The following RTN4RL1 variants were observed in gnomAD, a reference collection of about 807,000 sequenced individuals.
RTN4RL1 encodes the protein reticulon-4 receptor-like 1.
Under a neutral mutation model 25.6 loss-of-function variants are expected in RTN4RL1, and 7 were observed. That is an observed-to-expected ratio of 0.27 (90% CI 0.16 to 0.51). RTN4RL1 has a LOEUF of 0.51. Ranked by LOEUF, RTN4RL1 falls within the 20% of genes least tolerant of loss-of-function variation. The pLI is 0.97. For missense variants in RTN4RL1, 500 were observed against 615.6 expected (o/e 0.81, Z 1.99); for synonymous variants, 297 against 288.2 (o/e 1.03, Z -0.31).
At position 1,957,102 on chromosome 17, in the gene RTN4RL1, TTAAAAC is replaced by T. The variant is rs202176780; in HGVS notation, c.14-19300_14-19295del. On this transcript the variant is annotated intron_variant, in intron 1 of 1. Coordinates refer to ENST00000331238, the MANE Select transcript of RTN4RL1 (RefSeq NM_178568.4). ...TGATTCTTTTCAAGAGTCAGTTAAA[TTAAAAC>T]TAAATAACGTTGGAATGAACATCTT... 9.9e-3 allele frequency among the ~76,000 whole-genome samples: 1,505 copies of T among 152,310 alleles called. 25 individuals carry two copies. Among genetic ancestry groups the T allele is most frequent in the African/African-American group, 0.034 (1,428 of 41,552 alleles).
intron 1 of RTN4RL1, among the ~76,000 whole-genome samples, chr17:2,014,174 G>A (rs111422152): frequency 2.6e-4 from 40 of 152,326 alleles, no homozygotes; most frequent in African/African-American, 9.4e-4. Context: ...GCTGGAAGTG[G>A]GAGGGTGTGG....
chr17:1,937,189 C>G lies in RTN4RL1; in HGVS notation c.633G>C (p.Trp211Cys). The G allele has an allele frequency of 1.9e-6, 3 of 1,612,412 alleles. No individual in the cohort carries two copies. Among genetic ancestry groups the G allele is most frequent in the Non-Finnish European group, 2.5e-6 (3 of 1,179,680 alleles). The stretch of plus-strand genomic sequence containing the variant: ...GGTCGTGGAACGCCTTGTGGTGGAC[C>G]CACTGCAGCTGGTTCTCGTGCAGCA... ...RLLLHENQLQWVHHKAFHDLR... is the reference protein window; with the variant it reads ...RLLLHENQLQCVHHKAFHDLR... The change falls in exon 2 of 2, where the codon TGG becomes TGC. Residue 211 changes from tryptophan (W) to cysteine (C), a missense_variant. Trp to Cys is a radical substitution (Grantham distance 215). Transcript: ENST00000331238.
chr17:1,953,842 C>T (rs908601822), intron 1 of RTN4RL1, among the ~76,000 whole-genome samples: 8 of 152,120 alleles, frequency 5.3e-5, no homozygotes, highest in Admixed American at 6.5e-5. Flanking sequence ...TGGGATTACA[C>T]GCATGAGCCA....
rs1915311246 is a variant in RTN4RL1, at chr17:1,936,687, C to T, written c.1135G>A (p.Asp379Asn). ...TTGTGCTGGTAGTCTGGGGCATAGT[C>T]TGGCAGCTCGGGGGCCTGTTTCCCG... ...GAGKQAPELPDYAPDYQHKFS... is the reference protein window; with the variant it reads ...GAGKQAPELPNYAPDYQHKFS... The change falls in exon 2 of 2, where the codon GAC becomes AAC. Residue 379 changes from aspartate (D) to asparagine (N), a missense_variant. Around this residue, in one of 2 missense-constraint regions of RTN4RL1, gnomAD observed 268 missense variants for 274.5 expected, o/e 0.98. Coordinates refer to ENST00000331238, the MANE Select transcript of RTN4RL1 (RefSeq NM_178568.4). The T allele has an allele frequency of 8.2e-6, 13 of 1,583,954 alleles. No homozygotes were observed. Among genetic ancestry groups the T allele is most frequent in the Non-Finnish European group, 1.0e-5 (12 of 1,166,928 alleles).
intron 1 of RTN4RL1, among the ~76,000 whole-genome samples, chr17:1,949,123 A>AT (rs373598895): frequency 0.024 from 3,510 of 147,694 alleles, 96 homozygotes; most frequent in African/African-American, 0.068. Flanking sequence ...CACCTGGCTA[A>AT]TTTTTTTTTT....
chr17:2,017,374 C>T (rs1331111657), intron 1 of RTN4RL1, among the ~76,000 whole-genome samples: 1 of 152,232 alleles, frequency 6.6e-6, no homozygotes, highest in African/African-American at 2.4e-5. Flanking sequence ...CTGCAGTGGT[C>T]TGTCCCCTGG....
chr17:1,968,834 A>G (rs894741930), intron 1 of RTN4RL1, among the ~76,000 whole-genome samples: 2 of 152,224 alleles, frequency 1.3e-5, no homozygotes, highest in Non-Finnish European at 2.9e-5. Flanking sequence ...AACACTGTTC[A>G]TTCGACCTGG....
chr17:2,002,445 A>G (rs542193833), intron 1 of RTN4RL1, among the ~76,000 whole-genome samples: 3,311 of 148,862 alleles, frequency 0.022, 117 homozygotes, highest in African/African-American at 0.076. Context: ...GGCGCCCGCC[A>G]CCTCGCCTGG....
At chr17:1,938,919 C>T (rs1597484690) in intron 1 of RTN4RL1, among the ~76,000 whole-genome samples, 1 of 151,992 alleles carries the variant, frequency 6.6e-6, no homozygotes, top group African/African-American at 2.4e-5. Context: ...GGTGGCTACT[C>T]AGGAGGCTCA....
At chr17:1,943,782 G>C (rs1440769722) in intron 1 of RTN4RL1, among the ~76,000 whole-genome samples, 1 of 152,138 alleles carries the variant, frequency 6.6e-6, no homozygotes, top group Non-Finnish European at 1.5e-5. Context: ...TGGAGACATG[G>C]AAGCCAGCCA....
intron 1 of RTN4RL1, among the ~76,000 whole-genome samples, chr17:1,986,274 A>G (rs2066886931): frequency 6.6e-6 from 1 of 152,080 alleles, no homozygotes; most frequent in Admixed American, 6.5e-5. Context: ...CACCCGATGA[A>G]GTAGGTATTA....
chr17:1,970,274 G>A (rs1387981693), intron 1 of RTN4RL1, among the ~76,000 whole-genome samples: 1 of 152,276 alleles, frequency 6.6e-6, no homozygotes, highest in South Asian at 2.1e-4. Flanking sequence ...ACCTGCGTCA[G>A]CCTCCCAAAG....
chr17:1,970,209 T>C (rs2066812378), intron 1 of RTN4RL1, among the ~76,000 whole-genome samples: 1 of 152,030 alleles, frequency 6.6e-6, no homozygotes, highest in Non-Finnish European at 1.5e-5. Context: ...TTAGTAGAGA[T>C]GGGGTTTGAC....
intron 1 of RTN4RL1, among the ~76,000 whole-genome samples, chr17:2,017,553 CA>C (rs1377363508): frequency 6.6e-6 from 1 of 152,250 alleles, no homozygotes; most frequent in Non-Finnish European, 1.5e-5. Context: ...CGAGCCCTGC[CA>C]GTGGACCAAT....
intron 1 of RTN4RL1, among the ~76,000 whole-genome samples, chr17:1,984,662 G>A (rs1403935071): frequency 1.3e-5 from 2 of 152,186 alleles, no homozygotes; most frequent in African/African-American, 2.4e-5. Flanking sequence ...GCCCTGCCCC[G>A]AGGCCTTCAA....
At chr17:1,959,045 C>T (rs541175806) in intron 1 of RTN4RL1, among the ~76,000 whole-genome samples, 2 of 152,206 alleles carry the variant, frequency 1.3e-5, no homozygotes, top group African/African-American at 2.4e-5. Context: ...CGCCGGTGGG[C>T]GAGCGGGAAT....
At chr17:2,009,635 A>C (rs1166249553) in intron 1 of RTN4RL1, among the ~76,000 whole-genome samples, 1 of 123,554 alleles carries the variant, frequency 8.1e-6, no homozygotes, top group Non-Finnish European at 1.7e-5. Context: ...TCAATCTCTG[A>C]CCTTATACTC....
At chr17:1,996,619 G>C (rs910762322) in intron 1 of RTN4RL1, among the ~76,000 whole-genome samples, 14 of 152,198 alleles carry the variant, frequency 9.2e-5, no homozygotes, top group Admixed American at 9.2e-4. Flanking sequence ...AGAAATGCAG[G>C]TCTGTTTGCT....
intron 1 of RTN4RL1, among the ~76,000 whole-genome samples, chr17:1,939,352 C>CAATAAATA (rs56045014): frequency 0.016 from 2,232 of 139,932 alleles, 32 homozygotes; most frequent in East Asian, 0.034. Context: ...AACTCCGTCT[C>CAATAAATA]AATAAATAAA....
Sources: allele counts gnomAD v4.1 joint callset (sites outside exome capture counted in the v4.1 genomes callset), GRCh38; gene constraint gnomAD v4.1.1; regional missense constraint gnomAD v4.1.1; transcripts MANE v1.5; gene names NCBI Gene and HGNC (gene_info 2026-07-23, HGNC 2026-07-21).